PTPRG: variants seen among roughly 807,000 people sequenced by gnomAD.
PTPRG encodes receptor-type tyrosine-protein phosphatase gamma.
PTPRG carries 102 observed loss-of-function variants against 165.3 expected under a neutral mutation model. The ratio of observed to expected loss-of-function variants is 0.62; its 90% confidence interval spans 0.53 to 0.73. PTPRG has a LOEUF of 0.73. Among genes scored for constraint, PTPRG ranks in the 30% least tolerant of loss-of-function variants. The pLI is 0.00. For missense variants in PTPRG, 1,866 were observed against 1,861.4 expected (o/e 1.00, Z -0.05); for synonymous variants, 675 against 669.5 (o/e 1.01, Z -0.13).
At chr3:61,776,340 C>T (rs2034381300) in intron 2 of PTPRG, among the ~76,000 whole-genome samples, 1 of 152,014 alleles carries the variant, frequency 6.6e-6, no homozygotes, top group Non-Finnish European at 1.5e-5. Context: ...TTTTTGACCC[C>T]AAGTTCTCAT....
intron 1 of PTPRG, among the ~76,000 whole-genome samples, chr3:61,621,010 G>T (rs568958210): frequency 1.6e-5 from 2 of 127,128 alleles, no homozygotes; most frequent in Non-Finnish European, 3.5e-5. Context: ...AAAAAATTTG[G>T]ACCCATGCCC....
intron 1 of PTPRG, among the ~76,000 whole-genome samples, chr3:61,618,901 G>A (rs1701374121): frequency 6.6e-6 from 1 of 151,048 alleles, no homozygotes; most frequent in Non-Finnish European, 1.5e-5. Context: ...CAGCACTTTG[G>A]GAGCCCAAGG....
intron 1 of PTPRG, among the ~76,000 whole-genome samples, chr3:61,684,324 C>A (rs1703550632): frequency 6.6e-6 from 1 of 152,184 alleles, no homozygotes; most frequent in Non-Finnish European, 1.5e-5. Flanking sequence ...CATCTGTGTG[C>A]CTGTATGTGG....
At chr3:61,704,562 G>C (rs375168866) in intron 1 of PTPRG, among the ~76,000 whole-genome samples, 5 of 151,966 alleles carry the variant, frequency 3.3e-5, no homozygotes, top group African/African-American at 1.2e-4. Context: ...GTCCCCTGGA[G>C]GGGCAAAATC....
intron 4 of PTPRG, among the ~76,000 whole-genome samples, chr3:62,038,777 A>AT (rs142255211): frequency 1.7e-4 from 25 of 150,756 alleles, no homozygotes; most frequent in East Asian, 9.8e-4. Flanking sequence ...ATATAGAGAG[A>AT]TTTTTTTTTT....
At chr3:61,730,322 AC>A (rs2032443471) in intron 1 of PTPRG, among the ~76,000 whole-genome samples, 1 of 152,200 alleles carries the variant, frequency 6.6e-6, no homozygotes, top group African/African-American at 2.4e-5. Context: ...GAGTCCTGTG[AC>A]CTTCAAAACC....
intron 1 of PTPRG, among the ~76,000 whole-genome samples, chr3:61,652,489 G>A (rs1377462110): frequency 6.6e-6 from 1 of 152,148 alleles, no homozygotes; most frequent in African/African-American, 2.4e-5. Flanking sequence ...CACTTGTTGA[G>A]CTCTTTCTTT....
At chr3:61,909,207 T>G (rs1229541308) in intron 2 of PTPRG, among the ~76,000 whole-genome samples, 1 of 152,216 alleles carries the variant, frequency 6.6e-6, no homozygotes, top group African/African-American at 2.4e-5. Flanking sequence ...AATTTTAGAT[T>G]TCCTGTTGTA....
chr3:61,573,335 G>GC (rs879544895), intron 1 of PTPRG, among the ~76,000 whole-genome samples: 1 of 152,058 alleles, frequency 6.6e-6, no homozygotes, highest in Non-Finnish European at 1.5e-5. Flanking sequence ...CATATTAGTG[G>GC]GTCCCTTGCT....
At chr3:61,749,039 C>A (rs1322886865) in intron 2 of PTPRG, 57 bp downstream of exon 2, 1 of 1,307,926 alleles carries the variant, frequency 7.6e-7, no homozygotes, top group Non-Finnish European at 1.1e-6. Flanking sequence ...CCATTCAACT[C>A]ACTTGAAAGC....
intron 2 of PTPRG, among the ~76,000 whole-genome samples, chr3:61,863,783 G>T (rs986921492): frequency 6.6e-6 from 1 of 152,098 alleles, no homozygotes; most frequent in Non-Finnish European, 1.5e-5. Flanking sequence ...CATTTAAGCT[G>T]GTCAAAGGTA....
At chr3:61,768,946 C>G (rs894535550) in intron 2 of PTPRG, among the ~76,000 whole-genome samples, 1 of 152,172 alleles carries the variant, frequency 6.6e-6, no homozygotes, top group Non-Finnish European at 1.5e-5. Flanking sequence ...CCACATGATT[C>G]ACACACCTCC....
intron 1 of PTPRG, chr3:61,742,403 ATTTT>A (rs34010935): frequency 3.7e-4 from 270 of 733,440 alleles, no homozygotes; most frequent in Middle Eastern, 7.1e-4. Flanking sequence ...TGGGTCTGGA[ATTTT>A]TTTTTTTTTT....
chr3:62,027,813 G>T (rs1053455320), intron 4 of PTPRG, among the ~76,000 whole-genome samples: 6 of 152,190 alleles, frequency 3.9e-5, no homozygotes, highest in Non-Finnish European at 1.5e-5. Flanking sequence ...CAGGAAATGT[G>T]TGTGTTCGTC....
intron 2 of PTPRG, among the ~76,000 whole-genome samples, chr3:61,811,453 A>ATGTT (rs2035573644): frequency 2.6e-5 from 4 of 152,204 alleles, no homozygotes; most frequent in Non-Finnish European, 5.9e-5. Flanking sequence ...TGACCAACAC[A>ATGTT]GCAGACAAGT....
intron 4 of PTPRG, among the ~76,000 whole-genome samples, chr3:62,050,116 A>G (rs372594287): frequency 2.3e-4 from 35 of 152,310 alleles, no homozygotes; most frequent in African/African-American, 7.9e-4. Context: ...AATACTGTCA[A>G]TCCATTATAT....
intron 3 of PTPRG, among the ~76,000 whole-genome samples, chr3:61,995,752 CCTCT>C: frequency 7.0e-6 from 1 of 143,538 alleles, no homozygotes; most frequent in East Asian, 2.1e-4. Context: ...TCCTTCCCTC[CCTCT>C]CTCCCTCCCT....
chr3:61,822,949 T>C (rs916184502), intron 2 of PTPRG, among the ~76,000 whole-genome samples: 1 of 152,102 alleles, frequency 6.6e-6, no homozygotes, highest in African/African-American at 2.4e-5. Context: ...CCTGTGTGTG[T>C]TTTCTGGGAA....
At chr3:61,909,154 A>G (rs1409741197) in intron 2 of PTPRG, among the ~76,000 whole-genome samples, 1 of 152,172 alleles carries the variant, frequency 6.6e-6, no homozygotes, top group Non-Finnish European at 1.5e-5. Context: ...CCACGTGCTC[A>G]GTGGTGGTTC....
Sources: gnomAD v4.1 joint callset for allele counts (sites outside exome capture counted in the v4.1 genomes callset) on GRCh38, gnomAD v4.1.1 for gene constraint, MANE v1.5 for transcripts, NCBI Gene and HGNC (gene_info 2026-07-23, HGNC 2026-07-21) for gene names.